The following LARGE1 variants were observed in gnomAD, a reference collection of about 807,000 sequenced individuals.
The protein encoded by LARGE1 is LARGE xylosyl- and glucuronyltransferase 1.
In LARGE1, 43 loss-of-function variants were observed where a neutral mutation model predicts 87.6. The observed-to-expected ratio is 0.49, with a 90% CI of 0.38 to 0.63. The LOEUF is 0.63. Ranked by LOEUF, LARGE1 falls within the 30% of genes least tolerant of loss-of-function variation. The pLI, the probability that LARGE1 is intolerant of heterozygous loss-of-function variation, is 0.00. For synonymous variants in LARGE1, 434 were observed against 394.6 expected (o/e 1.10, Z -1.18); for missense variants, 802 against 1,000.2 (o/e 0.80, Z 2.67).
intron 2 of LARGE1, chr22:33,747,610 A>C (rs2084138342): frequency 6.6e-6 from 1 of 152,066 alleles, no homozygotes. Flanking sequence ...TCTTTGTTGC[A>C]CTTATCAACA....
At chr22:33,144,957 T>TTTCAAGCAGAATGTA in the LARGE1 span, among the ~76,000 whole-genome samples, 1 of 151,990 alleles carries the variant, frequency 6.6e-6, no homozygotes, top group African/African-American at 2.4e-5. Flanking sequence ...GCAGAATAGT[T>TTTCAAGCAGAATGTA]TTCAAGCAGA....
At chr22:33,823,306 G>A (rs1221370223) in intron 1 of LARGE1, among the ~76,000 whole-genome samples, 3 of 152,136 alleles carry the variant, frequency 2.0e-5, no homozygotes, top group Non-Finnish European at 4.4e-5. Context: ...ACAGCATCAT[G>A]GTACACCTGT....
At chr22:33,080,483 A>C in the LARGE1 span, among the ~76,000 whole-genome samples, 1 of 152,232 alleles carries the variant, frequency 6.6e-6, no homozygotes, top group Admixed American at 6.5e-5. Context: ...GAGAACAGGA[A>C]AGGGCAAATC....
At chr22:33,638,686 A>T (rs2080341927) in intron 3 of LARGE1, among the ~76,000 whole-genome samples, 1 of 152,116 alleles carries the variant, frequency 6.6e-6, no homozygotes, top group South Asian at 2.1e-4. Context: ...TAATTATAAA[A>T]CCTTTCCTAG....
At chr22:33,390,965 G>C (rs184443662) in intron 7 of LARGE1, among the ~76,000 whole-genome samples, 18 of 152,234 alleles carry the variant, frequency 1.2e-4, no homozygotes, top group Non-Finnish European at 2.4e-4. Context: ...CCAAAGTGCT[G>C]GGAACACAGG....
At chr22:33,905,547 C>T (rs1028099572) in intron 1 of LARGE1, among the ~76,000 whole-genome samples, 2 of 152,154 alleles carry the variant, frequency 1.3e-5, no homozygotes, top group African/African-American at 2.4e-5. Flanking sequence ...AATCTGATAG[C>T]CATCATTCAT....
At chr22:33,112,263 T>A in the LARGE1 span, among the ~76,000 whole-genome samples, 62 of 152,352 alleles carry the variant, frequency 4.1e-4, no homozygotes, top group South Asian at 9.5e-3. Context: ...GCTGTGCCAC[T>A]TGCTATGGCT....
upstream of LARGE1, among the ~76,000 whole-genome samples, chr22:33,921,164 G>T (rs925947255): frequency 6.6e-6 from 1 of 151,806 alleles, no homozygotes; most frequent in African/African-American, 2.4e-5. This position sits in a 1 kb window ranked among gnomAD's most constrained non-coding sequence, Gnocchi z 4.1. Context: ...CGGACCGAGA[G>T]TTCGCCCCCG....
intron 9 of LARGE1, among the ~76,000 whole-genome samples, chr22:33,365,617 T>TCTC (rs567806122): frequency 0.016 from 2,238 of 136,744 alleles, 61 homozygotes; most frequent in African/African-American, 0.054. Context: ...CTTTTCTCTC[T>TCTC]TTTTTTTTTT....
chr22:33,761,323 T>C (rs927239442), intron 2 of LARGE1, 48 bp downstream of exon 2: 4 of 1,385,124 alleles, frequency 2.9e-6, no homozygotes, highest in African/African-American at 1.4e-5. Context: ...TGACAGCTAA[T>C]GTTCCCTTTC....
At chr22:33,800,917 T>C (rs1265053071) in intron 1 of LARGE1, among the ~76,000 whole-genome samples, 1 of 152,188 alleles carries the variant, frequency 6.6e-6, no homozygotes, top group Non-Finnish European at 1.5e-5. Context: ...TTCTGGATCA[T>C]ACGGTGATAT....
At chr22:33,744,854 A>C (rs930594601) in intron 2 of LARGE1, among the ~76,000 whole-genome samples, 3 of 152,190 alleles carry the variant, frequency 2.0e-5, no homozygotes, top group Non-Finnish European at 4.4e-5. Flanking sequence ...TCCAGGCCAC[A>C]CAAGTGGCTC....
chr22:33,475,376 GT>G (rs1277183710), intron 6 of LARGE1, among the ~76,000 whole-genome samples: 28 of 152,084 alleles, frequency 1.8e-4, no homozygotes, highest in African/African-American at 6.5e-4. Context: ...TAGAGAAAAT[GT>G]TTAGACCAGT....
chr22:33,761,611 G>GT (rs1219119797), intron 1 of LARGE1, 53 bp from the exon 2 acceptor site: 36 of 728,038 alleles, frequency 4.9e-5, no homozygotes, highest in Middle Eastern at 7.3e-4. Flanking sequence ...GGAGATGGGT[G>GT]TAAGTTATGG....
At chr22:33,222,649 T>G (rs879434358) in intron 11 of LARGE1, among the ~76,000 whole-genome samples, 3 of 152,106 alleles carry the variant, frequency 2.0e-5, no homozygotes, top group Non-Finnish European at 4.4e-5. Context: ...GAAACTGGAA[T>G]GAGCAGCCAC....
At chr22:33,425,799 C>T (rs142037426) in intron 7 of LARGE1, among the ~76,000 whole-genome samples, 2,486 of 152,272 alleles carry the variant, frequency 0.016, 28 homozygotes, top group Non-Finnish European at 0.027. Context: ...TATGCAGGCA[C>T]GATCTCGGCT....
chr22:33,605,745 A>G (rs1475972077), intron 4 of LARGE1, among the ~76,000 whole-genome samples: 1 of 152,184 alleles, frequency 6.6e-6, no homozygotes, highest in African/African-American at 2.4e-5. Context: ...AAATACAAAG[A>G]TGAGAATGAC....
chr22:33,768,971 C>T (rs2084986648), intron 1 of LARGE1, among the ~76,000 whole-genome samples: 1 of 152,162 alleles, frequency 6.6e-6, no homozygotes, highest in Non-Finnish European at 1.5e-5. Flanking sequence ...TAGTAAATAA[C>T]TGGTTAATAA....
At chr22:33,431,136 A>G (rs1014690937) in intron 7 of LARGE1, among the ~76,000 whole-genome samples, 1 of 152,186 alleles carries the variant, frequency 6.6e-6, no homozygotes, top group Non-Finnish European at 1.5e-5. Flanking sequence ...GGCAATGAGG[A>G]TGGAGGAGGG....
Sources: gnomAD v4.1 joint callset for allele counts (sites outside exome capture counted in the v4.1 genomes callset) on GRCh38, gnomAD v4.1.1 for gene constraint, Gnocchi (gnomAD v3.1) non-coding constraint, MANE v1.5 for transcripts, NCBI Gene and HGNC (gene_info 2026-07-23, HGNC 2026-07-21) for gene names.